RASA3: variants seen among roughly 807,000 people sequenced by gnomAD.
RASA3 encodes ras GTPase-activating protein 3.
RASA3 carries 73 observed loss-of-function variants against 110.0 expected under a neutral mutation model. That is an observed-to-expected ratio of 0.66 (90% CI 0.55 to 0.81). The LOEUF is 0.81. Ranked by LOEUF, RASA3 falls within the 30% of genes least tolerant of loss-of-function variation. The pLI is 0.00. For missense variants in RASA3, 976 were observed against 1,113.2 expected, an observed-to-expected ratio of 0.88 and a Z score of 1.75; for synonymous variants, 500 against 451.4, an observed-to-expected ratio of 1.11 and a Z score of -1.37.
chr13:114,123,790 G>A (rs1476797070), intron 1 of RASA3, among the ~76,000 whole-genome samples: 2 of 152,184 alleles, frequency 1.3e-5, no homozygotes, highest in Non-Finnish European at 2.9e-5. Context: ...GGTCCTAAGT[G>A]GACATCTGTC....
At chr13:114,082,120 G>C (rs2079795674) in intron 1 of RASA3, among the ~76,000 whole-genome samples, 1 of 152,218 alleles carries the variant, frequency 6.6e-6, no homozygotes, top group Non-Finnish European at 1.5e-5. Flanking sequence ...GGACTGAGAG[G>C]CATTACTTAC....
intron 22 of RASA3, among the ~76,000 whole-genome samples, chr13:113,982,074 T>C (rs1359613440): frequency 6.6e-6 from 1 of 152,192 alleles, no homozygotes; most frequent in African/African-American, 2.4e-5. Flanking sequence ...GGAAAGCCCA[T>C]TGGGAGCTGG....
intron 23 of RASA3, among the ~76,000 whole-genome samples, chr13:113,979,656 G>A (rs559371389): frequency 6.6e-6 from 1 of 152,302 alleles, no homozygotes; most frequent in East Asian, 1.9e-4. Flanking sequence ...TCTCCCTGTG[G>A]CACGTGTGTA....
Position 114,129,561 on chromosome 13 carries a change from CT to C in RASA3, c.55+2873del, listed in dbSNP as rs566621639. On this transcript the variant is annotated intron_variant, in intron 1 of 23. Coordinates refer to ENST00000334062, the MANE Select transcript of RASA3 (RefSeq NM_007368.4). ...TTAAGAATTTAAATGGCCAATGCCCCTATACCTTAAAAAAAGCTCCCAATCC... is the reference window on the plus strand; with the variant it reads ...TTAAGAATTTAAATGGCCAATGCCCCATACCTTAAAAAAAGCTCCCAATCC... 1.5e-4 allele frequency among the ~76,000 whole-genome samples: 23 copies of C among 152,298 alleles called. No individual in the cohort carries two copies. In the East Asian group the frequency reaches 4.2e-3, roughly 28 times the overall value.
chr13:114,009,099 G>T (rs1256689554), intron 17 of RASA3, among the ~76,000 whole-genome samples: 1 of 152,232 alleles, frequency 6.6e-6, no homozygotes, highest in East Asian at 1.9e-4. Flanking sequence ...CACACACTGA[G>T]GTGGGACGCG....
At chr13:114,098,843 C>T in intron 1 of RASA3, among the ~76,000 whole-genome samples, 1 of 152,176 alleles carries the variant, frequency 6.6e-6, no homozygotes, top group Non-Finnish European at 1.5e-5. Flanking sequence ...GAGCTTTGGG[C>T]TACACTCTAA....
chr13:114,093,779 A>G (rs1393371891), intron 1 of RASA3, among the ~76,000 whole-genome samples: 1 of 123,040 alleles, frequency 8.1e-6, no homozygotes, highest in Non-Finnish European at 2.0e-5. Flanking sequence ...TGTATTTTCA[A>G]ATACTCTGTC....
chr13:114,062,983 G>A (rs1184850061), intron 2 of RASA3, among the ~76,000 whole-genome samples: 9 of 152,230 alleles, frequency 5.9e-5, no homozygotes. Flanking sequence ...GGGGACCCGT[G>A]TCTGCCGCCC....
chr13:114,047,561 A>T (rs1406691625), intron 3 of RASA3, among the ~76,000 whole-genome samples: 1 of 152,250 alleles, frequency 6.6e-6, no homozygotes, highest in Non-Finnish European at 1.5e-5. Flanking sequence ...TTTATCTCAG[A>T]GTAAGAAACA....
rs572457187 is a variant in RASA3 at position 114,037,596 on chromosome 13, C to T, written c.372+3404G>A. Among the ~76,000 whole-genome samples the T allele has an allele frequency of 1.1e-4, 17 of 152,122 alleles. No homozygotes were observed. In the East Asian group the frequency reaches 1.9e-3, roughly 17 times the overall value. ...GAGCTCTAGAGATGGGTGGTGGTGA[C>T]GGTTATACAATATTATGAATATATT... On this transcript the variant is annotated intron_variant, in intron 4 of 23. Transcript: ENST00000334062.
At chr13:113,997,862 C>T (rs1428285235) in intron 20 of RASA3, among the ~76,000 whole-genome samples, 1 of 152,126 alleles carries the variant, frequency 6.6e-6, no homozygotes, top group Non-Finnish European at 1.5e-5. Flanking sequence ...GTCTTATTTA[C>T]AGAGGCCAGG....
At chr13:114,030,426 A>AG (rs1432996253) in intron 4 of RASA3, among the ~76,000 whole-genome samples, 4 of 82,426 alleles carry the variant, frequency 4.9e-5, no homozygotes, top group African/African-American at 1.4e-4. Flanking sequence ...AGACTCACAC[A>AG]GAGGGCAAGG....
rs117677165 is a variant in RASA3 at position 114,009,719 on chromosome 13, C to G, written c.1591-255G>C. 7.7e-4 allele frequency among the ~76,000 whole-genome samples: 118 copies of G among 152,368 alleles called. 6 individuals are homozygous for G. The East Asian group carries it at 0.02, about 26-fold the overall frequency. ...CAAGCACCCTTTGGCATCAGTGACT[C>G]CGTCCTGGCCCCGGGCTGTCCCTCA... On this transcript the variant is annotated intron_variant, in intron 16 of 23. Transcript: ENST00000334062.
intron 4 of RASA3, among the ~76,000 whole-genome samples, chr13:114,039,801 C>G (rs1314268712): frequency 6.6e-6 from 1 of 152,242 alleles, no homozygotes; most frequent in Non-Finnish European, 1.5e-5. Flanking sequence ...AGCACTGGAG[C>G]CCCCGGTCTT....
intron 14 of RASA3, among the ~76,000 whole-genome samples, chr13:114,013,923 C>CTT (rs2053722449): frequency 2.3e-5 from 1 of 42,882 alleles, no homozygotes; most frequent in Admixed American, 2.1e-4. Flanking sequence ...TCTCTCTCTC[C>CTT]GTCTCTCTCT....
At chr13:113,979,463 G>C in intron 23 of RASA3, 41 bp from the exon 24 acceptor site, 2 of 1,477,714 alleles carry the variant, frequency 1.4e-6, no homozygotes, top group East Asian at 4.5e-5. Flanking sequence ...CACAGACCCC[G>C]TTGCCTGGTG....
At chr13:113,999,799 A>G (rs1220884814) in intron 19 of RASA3, 132 bp from the exon 20 acceptor site, 4 of 21,498 alleles carry the variant, frequency 1.9e-4, no homozygotes, top group Admixed American at 7.7e-4. Flanking sequence ...GGGGGTCTCT[A>G]CCGGGGGGTC....
At chr13:114,059,164 G>A (rs1192419773) in intron 2 of RASA3, among the ~76,000 whole-genome samples, 1 of 152,162 alleles carries the variant, frequency 6.6e-6, no homozygotes, top group African/African-American at 2.4e-5. Context: ...GTGACAGGGC[G>A]AGATCCTGTC....
chr13:114,019,832 T>C (rs1382083420), intron 9 of RASA3, among the ~76,000 whole-genome samples: 6 of 40,434 alleles, frequency 1.5e-4, no homozygotes, highest in African/African-American at 1.7e-4. Flanking sequence ...AGCAGCCCTG[T>C]CAGGTGGGTG....
Sources: allele counts gnomAD v4.1 joint callset (sites outside exome capture counted in the v4.1 genomes callset), GRCh38; gene constraint gnomAD v4.1.1; transcripts MANE v1.5; gene names NCBI Gene and HGNC (gene_info 2026-07-23, HGNC 2026-07-21).